Variants in PCDHB3 observed in about 807,000 individuals in gnomAD.
PCDHB3 encodes the protein protocadherin beta 3, also known as protocadherin beta-3.
For synonymous variants in PCDHB3, 479 were observed against 456.0 expected (o/e 1.05, Z -0.64); for missense variants, 967 against 1,012.1 (o/e 0.96, Z 0.60).
rs1752014390 is a variant in PCDHB3 at position 141,103,550 on chromosome 5, C to A, written c.*510C>A. On this transcript the variant is annotated 3_prime_UTR_variant, in exon 1 of 1. Transcript: ENST00000231130. ...GTGTTCTATAATATGCCCAAAGCAG[C>A]TTTGTCTATAGTTAACAAAGTTTTA... 1 of 152,220 alleles carries A rather than the reference C, an allele frequency of 6.6e-6. No homozygotes were observed. Among genetic ancestry groups the A allele is most frequent in the African/African-American group, 2.4e-5 (1 of 41,418 alleles). 9.4% of individuals were successfully genotyped at this position (152,220 alleles called of 1,614,324 possible).
rs909217301 is a variant in PCDHB3 at position 141,101,643 on chromosome 5, A to G, written c.994A>G (p.Thr332Ala). ...KDGGGLSGKSTVIVQVVDVND... is the reference protein window; with the variant it reads ...KDGGGLSGKSAVIVQVVDVND... ...TGGCGGAGGCCTATCCGGAAAGTCT[A>G]CAGTCATAGTCCAGGTGGTTGATGT... Residue 332 changes from threonine to alanine, a missense_variant, in exon 1 of 1, where the codon ACA (threonine) becomes GCA (alanine). Coordinates refer to ENST00000231130, the MANE Select transcript of PCDHB3 (RefSeq NM_018937.5). 7 of 1,614,176 alleles carry G rather than the reference A, an allele frequency of 4.3e-6. No homozygotes were observed. Among genetic ancestry groups the G allele is most frequent in the Non-Finnish European group, 5.9e-6 (7 of 1,180,042 alleles).
rs1474366243 is a variant in PCDHB3, at chr5:141,101,160, A to C, written c.511A>C (p.Thr171Pro). 6.2e-7 allele frequency: 1 copy of C among 1,613,976 alleles called. No individual in the cohort carries two copies. The highest frequency in any genetic ancestry group is 8.5e-7 in the Non-Finnish European group (1 of 1,180,020). ...GGGAAGAAACAGCCTCCAAAACTAC[A>C]CTATCACTCCGAATTCCCACTTCCA... ...DVGRNSLQNY[T>P]ITPNSHFHVL... Residue 171 changes from threonine (T) to proline (P), a missense_variant, in exon 1 of 1, where the codon ACT (threonine) becomes CCT (proline). Transcript: ENST00000231130.
In PCDHB3 at chr5:141,101,979, G is replaced by A. The variant is rs558026324; in HGVS notation, c.1330G>A (p.Val444Ile). The change falls in exon 1 of 1, where the codon GTC becomes ATC. Residue 444 changes from valine to isoleucine, a missense_variant. Transcript: ENST00000231130. Reference protein sequence around the residue: ...KYNITVLVSDVNDNAPAFTQI... With the variant: ...KYNITVLVSDINDNAPAFTQI... ...CAACATAACCGTGCTGGTCTCCGACGTCAATGACAACGCCCCCGCCTTCAC... is the reference window on the plus strand; with the variant it reads ...CAACATAACCGTGCTGGTCTCCGACATCAATGACAACGCCCCCGCCTTCAC... 4 of 1,613,508 alleles carry A rather than the reference G, an allele frequency of 2.5e-6. No individual in the cohort carries two copies. Among genetic ancestry groups the A allele is most frequent in the South Asian group, 1.1e-5 (1 of 91,046 alleles).
rs1563837659 is a variant in PCDHB3, at chr5:141,102,272, G to C, written c.1623G>C (p.Leu541Phe). 3 of 1,611,986 alleles carry C rather than the reference G, an allele frequency of 1.9e-6. No individual in the cohort carries two copies. The South Asian group carries it at 3.3e-5, about 18-fold the overall frequency. ...CCACAGACCGTGGCTCCCCGGCTTT[G>C]AGCAGCGAGGCGCTGGTGCGCGTGC... Reference protein sequence around the residue: ...VGATDRGSPALSSEALVRVLV... With the variant: ...VGATDRGSPAFSSEALVRVLV... The change falls in exon 1 of 1, where the codon TTG becomes TTC. Residue 541 changes from leucine (L) to phenylalanine (F), a missense_variant. Physicochemically the swap from Leu to Phe is conservative, Grantham distance 22 (BLOSUM62 0). Transcript: ENST00000231130.
chr5:141,101,211 G>T lies in PCDHB3; in HGVS notation c.562G>T (p.Gly188Ter), dbSNP rs782784649. 1 of 1,614,132 alleles carries T rather than the reference G, an allele frequency of 6.2e-7. No homozygotes were observed. The highest frequency in any genetic ancestry group is 8.5e-7 in the Non-Finnish European group (1 of 1,180,022). ...CGTACTCACTCGCAGTCGTAGGGAC[G>T]GAAGGAAGTACCCGGAACTAGTACT... ...FHVLTRSRRDGRKYPELVLDK... is the reference protein window; with the variant it reads ...FHVLTRSRRD Residue 188 changes from glycine (G) to a stop codon, truncating the protein, a stop_gained, in exon 1 of 1, where the codon GGA becomes TGA. Coordinates refer to ENST00000231130, the MANE Select transcript of PCDHB3 (RefSeq NM_018937.5). LOFTEE classifies it low-confidence loss of function (END_TRUNC).
Position 141,102,042 on chromosome 5 carries a change from A to T in PCDHB3, c.1393A>T (p.Ser465Cys), listed in dbSNP as rs782666024. 2 of 1,612,970 alleles carry T rather than the reference A, an allele frequency of 1.2e-6. No homozygotes were observed. The highest frequency in any genetic ancestry group is 2.7e-5 in the African/African-American group (2 of 74,886). ...CACCCTGTTCGTCCGCGAGAACAAC[A>T]GCCCCGCCCTGCACATCGGCAGTGT... ...SYTLFVRENN[S>C]PALHIGSVSA... The change falls in exon 1 of 1, where the codon AGC becomes TGC. Residue 465 changes from serine to cysteine, a missense_variant. Transcript: ENST00000231130.
chr5:141,102,516 G>T lies in PCDHB3; in HGVS notation c.1867G>T (p.Glu623Ter). The change falls in exon 1 of 1, where the codon GAA (glutamate) becomes TAA (stop). Residue 623 changes from glutamate (E) to a stop codon, truncating the protein, a stop_gained. Transcript: ENST00000231130. LOFTEE classifies it low-confidence loss of function (END_TRUNC). The part of the protein sequence containing the change: ...GLFGVWAHNG[E>*]VRTARLLSER... ...GTTCGGCGTGTGGGCGCACAATGGC[G>T]AAGTGCGCACCGCCAGGCTGCTGAG... The T allele has an allele frequency of 1.9e-6, 3 of 1,608,704 alleles. No homozygotes were observed. The highest frequency in any genetic ancestry group is 2.2e-5 in the South Asian group (2 of 90,948).
In PCDHB3 at chr5:141,102,990, A is replaced by G. The variant is rs782293477; in HGVS notation, c.2341A>G (p.Arg781Gly). Reference sequence around the variant, plus strand: ...CAACTTCGTTGCTCAGGGTGCAGAGAGGGTTAGCGAGGCAAATCCCAGTTT... The same window carrying G: ...CAACTTCGTTGCTCAGGGTGCAGAGGGGGTTAGCGAGGCAAATCCCAGTTT... Reference protein sequence around the residue: ...IPNFVAQGAERVSEANPSFRK... With the variant: ...IPNFVAQGAEGVSEANPSFRK... Residue 781 changes from arginine to glycine, a missense_variant, in exon 1 of 1, where the codon AGG becomes GGG. Transcript: ENST00000231130. 19 of 1,603,196 alleles carry G rather than the reference A, an allele frequency of 1.2e-5. 1 individual carries two copies. The South Asian group carries it at 1.8e-4, about 15-fold the overall frequency.
In PCDHB3 at chr5:141,102,002, C is replaced by T. The variant is rs147576055; in HGVS notation, c.1353C>T (p.Phe451=). 1.9e-6 allele frequency: 3 copies of T among 1,613,234 alleles called. No homozygotes were observed. In the African/African-American group the frequency reaches 4.0e-5, roughly 22 times the overall value. ...ACGTCAATGACAACGCCCCCGCCTT[C>T]ACCCAAATCTCCTACACCCTGTTCG... ...VSDVNDNAPA[F]TQISYTLFVR... is the part of the protein sequence containing the mutation. The change falls in exon 1 of 1, where the codon TTC becomes TTT. Residue 451 remains phenylalanine (F), a synonymous_variant. Coordinates refer to ENST00000231130, the MANE Select transcript of PCDHB3 (RefSeq NM_018937.5).
chr5:141,100,718 G>T lies in PCDHB3; in HGVS notation c.69G>T (p.Gly23=), dbSNP rs1164608040. The T allele has an allele frequency of 8.7e-6, 14 of 1,613,730 alleles. No individual in the cohort carries two copies. Among genetic ancestry groups the T allele is most frequent in the African/African-American group, 1.3e-5 (1 of 74,852 alleles). The change falls in exon 1 of 1, where the codon GGG becomes GGT. Residue 23 remains glycine (G), a synonymous_variant. Coordinates refer to ENST00000231130, the MANE Select transcript of PCDHB3 (RefSeq NM_018937.5). ...TGCTTCTCTTTGTTTTTCTGGGAGG[G>T]TCTCTGGCTGGGTCCGAGTCAAGAC... ...QVLLLFVFLG[G]SLAGSESRRY...
At position 141,102,515 on chromosome 5, in the gene PCDHB3, C is replaced by A. The variant is rs771823575; in HGVS notation, c.1866C>A (p.Gly622=). 39 of 1,608,574 alleles carry A rather than the reference C, an allele frequency of 2.4e-5. No individual in the cohort carries two copies. Among genetic ancestry groups the A allele is most frequent in the Non-Finnish European group, 3.2e-5 (38 of 1,179,588 alleles). The change falls in exon 1 of 1, where the codon GGC becomes GGA. Residue 622 remains glycine, a synonymous_variant. Coordinates refer to ENST00000231130, the MANE Select transcript of PCDHB3 (RefSeq NM_018937.5). ...PGLFGVWAHN[G]EVRTARLLSE... ...TGTTCGGCGTGTGGGCGCACAATGG[C>A]GAAGTGCGCACCGCCAGGCTGCTGA...
At position 141,101,600 on chromosome 5, in the gene PCDHB3, C is replaced by T; in HGVS notation, c.951C>T (p.Val317=). The T allele has an allele frequency of 6.2e-7, 1 of 1,614,022 alleles. No individual in the cohort carries two copies. The highest frequency in any genetic ancestry group is 1.1e-5 in the South Asian group (1 of 91,066). The change falls in exon 1 of 1, where the codon GTC becomes GTT. Residue 317 remains valine (V), a synonymous_variant. Transcript: ENST00000231130. ...LNFEAINSYE[V]DIEAKDGGGL... is the part of the protein sequence containing the mutation. Reference sequence around the variant, plus strand: ...TTGAAGCGATTAATAGTTATGAAGTCGACATCGAGGCCAAGGATGGCGGAG... The same window carrying T: ...TTGAAGCGATTAATAGTTATGAAGTTGACATCGAGGCCAAGGATGGCGGAG...
In PCDHB3 at chr5:141,100,835, G is replaced by A; in HGVS notation, c.186G>A (p.Arg62=). The change falls in exon 1 of 1, where the codon AGG becomes AGA. Residue 62 remains arginine, a synonymous_variant. Transcript: ENST00000231130. ...TAAGGGTAGAGGAACTGGCCGCGAG[G>A]GGGGCCCAAGTTGTGTCCAAAGGGA... is the stretch of plus-strand genomic sequence containing the variant. ...LGLRVEELAA[R]GAQVVSKGNK... 1 of 1,614,092 alleles carries A rather than the reference G, an allele frequency of 6.2e-7. No individual in the cohort carries two copies. The highest frequency in any genetic ancestry group is 1.1e-5 in the South Asian group (1 of 91,068).
rs782736714 is a variant in PCDHB3 at position 141,102,620 on chromosome 5, G to C, written c.1971G>C (p.Thr657=). The change falls in exon 1 of 1, where the codon ACG becomes ACC. Residue 657 remains threonine, a synonymous_variant. Coordinates refer to ENST00000231130, the MANE Select transcript of PCDHB3 (RefSeq NM_018937.5). ...NGEPPRSATA[T]LHVLLVDGFS... ...AGCCTCCGCGCTCGGCCACCGCCACGCTGCATGTGCTCCTGGTGGACGGCT... is the reference window on the plus strand; with the variant it reads ...AGCCTCCGCGCTCGGCCACCGCCACCCTGCATGTGCTCCTGGTGGACGGCT... 1.9e-6 allele frequency: 3 copies of C among 1,609,488 alleles called. No homozygotes were observed. The highest frequency in any genetic ancestry group is 4.5e-5 in the East Asian group (2 of 44,864).
rs1588305497 is a variant in PCDHB3, at chr5:141,100,743, C to T, written c.94C>T (p.Arg32Cys). 1 of 1,614,044 alleles carries T rather than the reference C, an allele frequency of 6.2e-7. No individual in the cohort carries two copies. Among genetic ancestry groups the T allele is most frequent in the East Asian group, 2.2e-5 (1 of 44,870 alleles). Residue 32 changes from arginine (R) to cysteine (C), a missense_variant, in exon 1 of 1, where the codon CGC (arginine) becomes TGC (cysteine). Physicochemically the swap from Arg to Cys is radical, Grantham distance 180. Coordinates refer to ENST00000231130, the MANE Select transcript of PCDHB3 (RefSeq NM_018937.5). ...GTCTCTGGCTGGGTCCGAGTCAAGA[C>T]GCTATTCTGTGGCTGAGGAAAAAGA... ...GGSLAGSESR[R>C]YSVAEEKEKG...
Position 141,102,620 on chromosome 5 carries a change from G to A in PCDHB3, c.1971G>A (p.Thr657=), listed in dbSNP as rs782736714. The A allele has an allele frequency of 6.2e-7, 1 of 1,609,488 alleles. No individual in the cohort carries two copies. Among genetic ancestry groups the A allele is most frequent in the East Asian group, 2.2e-5 (1 of 44,864 alleles). ...NGEPPRSATA[T]LHVLLVDGFS... ...AGCCTCCGCGCTCGGCCACCGCCAC[G>A]CTGCATGTGCTCCTGGTGGACGGCT... Residue 657 remains threonine, a synonymous_variant, in exon 1 of 1, where the codon ACG becomes ACA. Coordinates refer to ENST00000231130, the MANE Select transcript of PCDHB3 (RefSeq NM_018937.5).
rs1554272733 is a variant in PCDHB3 at position 141,103,047 on chromosome 5, A to G, written c.*7A>G. On this transcript the variant is annotated 3_prime_UTR_variant, in exon 1 of 1. Transcript: ENST00000231130. Reference sequence around the variant, plus strand: ...GAGCTTTGAATTCAGTTAAGTGTTAATAAGGATCTACTGAGCCTCGTCTTA... The same window carrying G: ...GAGCTTTGAATTCAGTTAAGTGTTAGTAAGGATCTACTGAGCCTCGTCTTA... The G allele has an allele frequency of 1.2e-6, 2 of 1,601,958 alleles. No homozygotes were observed. Among genetic ancestry groups the G allele is most frequent in the African/African-American group, 1.3e-5 (1 of 74,622 alleles).
In PCDHB3 at chr5:141,101,796, T is replaced by A. The variant is rs782170120; in HGVS notation, c.1147T>A (p.Cys383Ser). Residue 383 changes from cysteine (C) to serine (S), a missense_variant, in exon 1 of 1, where the codon TGT becomes AGT. Physicochemically the swap from Cys to Ser is moderately radical, Grantham distance 112. Coordinates refer to ENST00000231130, the MANE Select transcript of PCDHB3 (RefSeq NM_018937.5). Reference sequence around the variant, plus strand: ...CTCTGGAGACAACGGAAGAGTGATGTGTTCCATTGAGAACAATCTCCCCTT... The same window carrying A: ...CTCTGGAGACAACGGAAGAGTGATGAGTTCCATTGAGAACAATCTCCCCTT... ...LDSGDNGRVM[C>S]SIENNLPFFL... The A allele has an allele frequency of 1.9e-6, 3 of 1,614,026 alleles. No homozygotes were observed. In the African/African-American group the frequency reaches 4.0e-5, roughly 22 times the overall value.
chr5:141,101,937 A>G lies in PCDHB3; in HGVS notation c.1288A>G (p.Arg430Gly), dbSNP rs1391265907. 45 of 1,613,936 alleles carry G rather than the reference A, an allele frequency of 2.8e-5. No homozygotes were observed. Among genetic ancestry groups the G allele is most frequent in the Non-Finnish European group, 3.8e-5 (45 of 1,180,028 alleles). ...CACTATCACTGACCTGGGGACACCC[A>G]GGCTGAAAACCAAGTACAACATAAC... ...TITITDLGTPRLKTKYNITVL... is the reference protein window; with the variant it reads ...TITITDLGTPGLKTKYNITVL... The change falls in exon 1 of 1, where the codon AGG becomes GGG. Residue 430 changes from arginine (R) to glycine (G), a missense_variant. Physicochemically the swap from Arg to Gly is moderately radical, Grantham distance 125. Coordinates refer to ENST00000231130, the MANE Select transcript of PCDHB3 (RefSeq NM_018937.5).
Sources: allele counts gnomAD v4.1 joint callset, GRCh38; gene constraint gnomAD v4.1.1; transcripts MANE v1.5; gene names NCBI Gene and HGNC (gene_info 2026-07-23, HGNC 2026-07-21).